Variants in CLYBL observed in about 807,000 individuals in gnomAD.
CLYBL encodes the protein citramalyl-CoA lyase, mitochondrial.
In CLYBL, 31 loss-of-function variants were observed where a neutral mutation model predicts 38.9. The observed-to-expected ratio is 0.80, with a 90% CI of 0.60 to 1.08. The LOEUF is 1.08. Ranked by LOEUF, CLYBL falls within the 50% of genes least tolerant of loss-of-function variation. The pLI is 0.00. For synonymous variants in CLYBL, 171 were observed against 158.6 expected (o/e 1.08, Z -0.59); for missense variants, 434 against 411.6 (o/e 1.05, Z -0.47).
At chr13:99,859,876 G>T (rs1418003119) in intron 3 of CLYBL, among the ~76,000 whole-genome samples, 1 of 152,122 alleles carries the variant, frequency 6.6e-6, no homozygotes, top group African/African-American at 2.4e-5. Flanking sequence ...GTCATTCTGG[G>T]CCCTGTGAGG....
chr13:99,615,168 T>C (rs1039310539), intron 1 of CLYBL, among the ~76,000 whole-genome samples: 2 of 152,232 alleles, frequency 1.3e-5, no homozygotes, highest in African/African-American at 4.8e-5. Context: ...CAGCTGACAC[T>C]GCTCAGCCTC....
intron 6 of CLYBL, 29 bp from the exon 7 acceptor site, chr13:99,870,909 T>C (rs2051873781): frequency 6.4e-7 from 1 of 1,566,516 alleles, no homozygotes. Context: ...CGTTGTTTCG[T>C]GGTTCCGATG....
At chr13:99,739,993 CA>C (rs922095811) in intron 1 of CLYBL, among the ~76,000 whole-genome samples, 1 of 151,778 alleles carries the variant, frequency 6.6e-6, no homozygotes, top group Non-Finnish European at 1.5e-5. Context: ...AACAAAAAAA[CA>C]AAAAAACTGT....
intron 1 of CLYBL, among the ~76,000 whole-genome samples, chr13:99,724,682 C>G (rs2793743): frequency 0.059 from 9,008 of 152,050 alleles, 372 homozygotes; most frequent in Middle Eastern, 0.11. Flanking sequence ...GGGAGTTGAG[C>G]ACGAGCAGAA....
intron 2 of CLYBL, among the ~76,000 whole-genome samples, chr13:99,808,754 T>C (rs971791121): frequency 5.3e-5 from 8 of 152,184 alleles, no homozygotes; most frequent in East Asian, 1.9e-4. Flanking sequence ...GCAGGTGAAT[T>C]TTTGAATTGG....
intron 7 of CLYBL, among the ~76,000 whole-genome samples, chr13:99,877,358 CTGTG>C (rs1327826869): frequency 6.6e-6 from 1 of 152,086 alleles, no homozygotes; most frequent in Non-Finnish European, 1.5e-5. Context: ...ATGGATGGGT[CTGTG>C]TGTGTATCTT....
intron 1 of CLYBL, among the ~76,000 whole-genome samples, chr13:99,638,723 A>G (rs2047056407): frequency 6.6e-6 from 1 of 152,234 alleles, no homozygotes. Context: ...CCATTTTTCC[A>G]AGGAGGAAAC....
chr13:99,841,817 T>C (rs1364616828), intron 2 of CLYBL, among the ~76,000 whole-genome samples: 1 of 146,792 alleles, frequency 6.8e-6, no homozygotes, highest in Non-Finnish European at 1.5e-5. Context: ...TTTTCCTTTT[T>C]TTTTTTTTTT....
At chr13:99,634,459 G>A (rs925968583) in intron 1 of CLYBL, among the ~76,000 whole-genome samples, 4 of 152,124 alleles carry the variant, frequency 2.6e-5, no homozygotes, top group Non-Finnish European at 4.4e-5. Flanking sequence ...CATCTGTGTT[G>A]ATGTAAACAT....
At chr13:99,900,315 C>A (rs964145797), downstream of CLYBL, among the ~76,000 whole-genome samples, 4 of 152,242 alleles carry the variant, frequency 2.6e-5, no homozygotes, top group East Asian at 7.7e-4. Context: ...GGGCGGCACA[C>A]TCCCACAGCC....
intron 8 of CLYBL, among the ~76,000 whole-genome samples, chr13:99,904,726 T>C (rs977675996): frequency 1.3e-4 from 20 of 152,350 alleles, no homozygotes; most frequent in African/African-American, 4.6e-4. Context: ...GCAGTATTTT[T>C]CCCAGTGTCA....
At chr13:99,628,060 C>T (rs1418881956) in intron 1 of CLYBL, among the ~76,000 whole-genome samples, 3 of 152,108 alleles carry the variant, frequency 2.0e-5, no homozygotes, top group Non-Finnish European at 1.5e-5. Context: ...CAAAACCCAT[C>T]GGAACATTTT....
intron 2 of CLYBL, among the ~76,000 whole-genome samples, chr13:99,838,579 T>A (rs2050993015): frequency 6.6e-6 from 1 of 152,216 alleles, no homozygotes; most frequent in South Asian, 2.1e-4. Flanking sequence ...ATGCTAACAC[T>A]GACTTTTGTT....
chr13:99,702,202 G>A (rs866426771), intron 1 of CLYBL, among the ~76,000 whole-genome samples: 16 of 152,098 alleles, frequency 1.1e-4, no homozygotes, highest in African/African-American at 3.9e-4. Context: ...TCGAGCTCCT[G>A]GCCTCAAGTG....
chr13:99,803,253 T>C (rs2050170319), intron 2 of CLYBL, among the ~76,000 whole-genome samples: 1 of 152,208 alleles, frequency 6.6e-6, no homozygotes, highest in Admixed American at 6.5e-5. Context: ...CTTTCCTTTC[T>C]GCTAACAATG....
At chr13:99,900,123 C>A (rs1432188386), downstream of CLYBL, among the ~76,000 whole-genome samples, 1 of 152,062 alleles carries the variant, frequency 6.6e-6, no homozygotes, top group African/African-American at 2.4e-5. Context: ...GATGGGGTTT[C>A]ACCATGTTGG....
At chr13:99,723,387 A>C (rs893769683) in intron 1 of CLYBL, among the ~76,000 whole-genome samples, 5 of 152,236 alleles carry the variant, frequency 3.3e-5, no homozygotes, top group Admixed American at 2.0e-4. Context: ...GACTGCATTT[A>C]CCTAAAAGTA....
intron 1 of CLYBL, among the ~76,000 whole-genome samples, chr13:99,752,038 T>C (rs566937487): frequency 9.2e-5 from 14 of 152,170 alleles, no homozygotes; most frequent in African/African-American, 3.1e-4. Flanking sequence ...CTACACACAT[T>C]CCAACTCACA....
intron 1 of CLYBL, among the ~76,000 whole-genome samples, chr13:99,645,323 C>T (rs925977046): frequency 2.6e-5 from 4 of 151,934 alleles, no homozygotes; most frequent in African/African-American, 9.7e-5. Flanking sequence ...GGTGAAACCC[C>T]GTCTCTACTA....
Sources: allele counts gnomAD v4.1 joint callset (sites outside exome capture counted in the v4.1 genomes callset), GRCh38; gene constraint gnomAD v4.1.1; transcripts MANE v1.5; gene names NCBI Gene and HGNC (gene_info 2026-07-23, HGNC 2026-07-21).